The following PLA2G4F variants were observed in gnomAD, a reference collection of about 807,000 sequenced individuals.
The protein encoded by PLA2G4F is cytosolic phospholipase A2 zeta.
A neutral mutation model predicts 103.1 loss-of-function variants in PLA2G4F; 105 were observed. The observed-to-expected ratio is 1.02, with a 90% CI of 0.87 to 1.20. PLA2G4F has a LOEUF of 1.20. PLA2G4F is among the 50% of genes most tolerant of loss of function. The pLI is 0.00. For missense variants in PLA2G4F, 1,155 were observed against 1,075.9 expected (o/e 1.07, Z -1.03); for synonymous variants, 468 against 441.1 (o/e 1.06, Z -0.76).
chr15:42,145,638 G>A lies in PLA2G4F; in HGVS notation c.1717C>T (p.Leu573=), dbSNP rs369238792. 1 of 1,614,130 alleles carries A rather than the reference G, an allele frequency of 6.2e-7. No homozygotes were observed. Among genetic ancestry groups the A allele is most frequent in the Admixed American group, 1.7e-5 (1 of 60,022 alleles). The change falls in exon 16 of 20, where the codon CTA becomes TTA. Residue 573 remains leucine (L), a synonymous_variant. Transcript: ENST00000397272. ...AFATSLDEIF[L]KTAGSGLSFL... ...CTGAGGCCCGAGCCGGCGGTCTTTA[G>A]GAAGATCTCATCCAGGCTGGTGGCA...
In PLA2G4F at chr15:42,146,213, T is replaced by C. The variant is rs769700694; in HGVS notation, c.1448A>G (p.Gln483Arg). 1.2e-6 allele frequency: 2 copies of C among 1,614,264 alleles called. No homozygotes were observed. Among genetic ancestry groups the C allele is most frequent in the Non-Finnish European group, 1.7e-6 (2 of 1,180,034 alleles). Residue 483 changes from glutamine (Q) to arginine (R), a missense_variant, in exon 14 of 20, where the codon CAG (glutamine) becomes CGG (arginine). Transcript: ENST00000397272. ...EENPAKLSDQ[Q>R]EAVRQGQNPY... ...GTTCTGACCCTGGCGGACCGCCTCC[T>C]GTTGGTCAGACAGCTTGGCAGGGTT... is the stretch of plus-strand genomic sequence containing the variant.
rs542194927 is a variant in PLA2G4F at position 42,144,272 on chromosome 15, C to T, written c.1976-128G>A. The T allele has an allele frequency of 8.8e-4, 1,230 of 1,402,480 alleles. 2 individuals are homozygous for T. The highest frequency in any genetic ancestry group is 3.7e-3 in the Middle Eastern group (14 of 3,830). 86.9% of individuals were successfully genotyped at this position (1,402,480 alleles called of 1,614,324 possible). On this transcript the variant is annotated intron_variant, in intron 17 of 19. Coordinates refer to ENST00000397272, the MANE Select transcript of PLA2G4F (RefSeq NM_213600.4). ...CTCTGACAGCCATGGAGACTCCTGC[C>T]CCAAGCCCTTGGCCCTGCCTTCCAG...
chr15:42,140,953 G>A lies in PLA2G4F; in HGVS notation c.*1031C>T, dbSNP rs1442670682. 3.2e-6 allele frequency: 1 copy of A among 309,078 alleles called. No individual in the cohort carries two copies. The highest frequency in any genetic ancestry group is 6.4e-6 in the Non-Finnish European group (1 of 155,080). 19.1% of individuals were successfully genotyped at this position (309,078 alleles called of 1,614,324 possible). A position where few individuals can be genotyped will look rare whatever the true frequency, so the allele number is the denominator to read the frequency against. ...GAATCTGAGGGCTGCCCACACTAGA[G>A]AGGTTCTAGGTATTTGGAGAGTCCC... On this transcript the variant is annotated 3_prime_UTR_variant, in exon 20 of 20. Transcript: ENST00000397272.
At chr15:42,155,494 A>C in intron 2 of PLA2G4F, 23 bp downstream of exon 2, 1 of 1,612,700 alleles carries the variant, frequency 6.2e-7, no homozygotes, top group Non-Finnish European at 8.5e-7. Context: ...GACAGAGAGA[A>C]GGATGGAGAT....
intron 7 of PLA2G4F, among the ~76,000 whole-genome samples, 168 bp downstream of exon 7, chr15:42,152,520 C>T (rs1441017689): frequency 6.6e-6 from 1 of 152,212 alleles, no homozygotes; most frequent in Non-Finnish European, 1.5e-5. Flanking sequence ...TCGAACACTT[C>T]CAGGGACAGG....
At position 42,141,311 on chromosome 15, in the gene PLA2G4F, C is replaced by T. The variant is rs1466954093; in HGVS notation, c.*673G>A. 13 of 456,692 alleles carry T rather than the reference C, an allele frequency of 2.8e-5. No homozygotes were observed. Among genetic ancestry groups the T allele is most frequent in the Non-Finnish European group, 4.0e-5 (9 of 226,980 alleles). The allele number at this position is 456,692 out of a possible 1,614,324, so 28.3% of individuals were successfully genotyped here. On this transcript the variant is annotated 3_prime_UTR_variant, in exon 20 of 20. Coordinates refer to ENST00000397272, the MANE Select transcript of PLA2G4F (RefSeq NM_213600.4). ...AGCCTGGGTAACTGGCAGGGAGACACGCGCACATCTCCCACCTGGAGCAGC... is the reference window on the plus strand; with the variant it reads ...AGCCTGGGTAACTGGCAGGGAGACATGCGCACATCTCCCACCTGGAGCAGC...
chr15:42,151,377 G>C lies in PLA2G4F; in HGVS notation c.602-600C>G, dbSNP rs956120233. 7.1e-6 allele frequency: 7 copies of C among 985,300 alleles called. 1 individual carries two copies. Among genetic ancestry groups the C allele is most frequent in the Admixed American group, 6.1e-5 (1 of 16,278 alleles). The allele number at this position is 985,300 out of a possible 1,614,324, so 61.0% of individuals were successfully genotyped here. A position where few individuals can be genotyped will look rare whatever the true frequency, so the allele number is the denominator to read the frequency against. Reference sequence around the variant, plus strand: ...TGAGGCCCAGGCTGGGAGGAGTGAGGGGGTGGGCTTGTGGGCTCCGGAGCT... The same window carrying C: ...TGAGGCCCAGGCTGGGAGGAGTGAGCGGGTGGGCTTGTGGGCTCCGGAGCT... On this transcript the variant is annotated intron_variant, in intron 7 of 19. Transcript: ENST00000397272.
chr15:42,151,197 A>C, intron 7 of PLA2G4F: 1 of 985,394 alleles, frequency 1.0e-6, no homozygotes, highest in East Asian at 1.1e-4. Context: ...CCAAGAGAAA[A>C]CCAGTAGGCT....
chr15:42,155,335 C>T (rs995822725), intron 2 of PLA2G4F, among the ~76,000 whole-genome samples, 182 bp downstream of exon 2: 9 of 151,048 alleles, frequency 6.0e-5, no homozygotes, highest in African/African-American at 2.0e-4. Context: ...CACACTTGCA[C>T]TCACACATAC....
chr15:42,149,863 G>A lies in PLA2G4F; in HGVS notation c.924-15C>T. On this transcript the variant is annotated splice_polypyrimidine_tract_variant and intron_variant, in intron 10 of 19. Coordinates refer to ENST00000397272, the MANE Select transcript of PLA2G4F (RefSeq NM_213600.4). The stretch of plus-strand genomic sequence containing the variant: ...GGTCCCCGGAGCTGCCTCAAGTAGG[G>A]TGGGGTGGCGGTGGGGGGTTCTGGG... 6.2e-7 allele frequency: 1 copy of A among 1,613,700 alleles called. No homozygotes were observed. The highest frequency in any genetic ancestry group is 1.1e-5 in the South Asian group (1 of 91,076).
At chr15:42,154,834 G>T (rs146450814) in intron 2 of PLA2G4F, among the ~76,000 whole-genome samples, 56 of 152,120 alleles carry the variant, frequency 3.7e-4, no homozygotes, top group African/African-American at 1.3e-3. Context: ...CACCCAGGGC[G>T]GCACTCCCAG....
chr15:42,152,721 G>C lies in PLA2G4F; in HGVS notation c.568C>G (p.Arg190Gly). Residue 190 changes from arginine to glycine, a missense_variant, in exon 7 of 20, where the codon CGG (arginine) becomes GGG (glycine). Around this residue, in one of 3 missense-constraint regions of PLA2G4F, gnomAD observed 370 missense variants for 364.9 expected, o/e 1.01. Coordinates refer to ENST00000397272, the MANE Select transcript of PLA2G4F (RefSeq NM_213600.4). Reference sequence around the variant, plus strand: ...TCCCGTGGGGCTGTCCCATCTCCCCGGAGCGTGCCCTGGATTCTCAGACAG... The same window carrying C: ...TCCCGTGGGGCTGTCCCATCTCCCCCGAGCGTGCCCTGGATTCTCAGACAG... ...HPCLRIQGTL[R>G]GDGTAPREEY... 3 of 1,558,070 alleles carry C rather than the reference G, an allele frequency of 1.9e-6. No individual in the cohort carries two copies. Among genetic ancestry groups the C allele is most frequent in the East Asian group, 2.4e-5 (1 of 41,582 alleles).
At chr15:42,150,914 T>TC (rs1277122332) in intron 7 of PLA2G4F, 137 bp from the exon 8 acceptor site, 1 of 1,457,194 alleles carries the variant, frequency 6.9e-7, no homozygotes, top group African/African-American at 1.4e-5. Flanking sequence ...GCCCGCTCTC[T>TC]CTTGAGCACT....
At position 42,149,715 on chromosome 15, in the gene PLA2G4F, G is replaced by C; in HGVS notation, c.1057C>G (p.Gln353Glu). 1 of 1,614,132 alleles carries C rather than the reference G, an allele frequency of 6.2e-7. No individual in the cohort carries two copies. The highest frequency in any genetic ancestry group is 2.2e-5 in the East Asian group (1 of 44,880). Residue 353 changes from glutamine (Q) to glutamate (E), a missense_variant and splice_region_variant, in exon 11 of 20, where the codon CAG becomes GAG. By Grantham distance (29) the Gln-to-Glu change is conservative (BLOSUM62 2). This residue lies in a region of PLA2G4F where 782 missense variants were observed against 692.9 expected (regional missense o/e 1.13). Coordinates refer to ENST00000397272, the MANE Select transcript of PLA2G4F (RefSeq NM_213600.4). ...LGLSEALDSG[Q>E]VPVVAVLGSG... The stretch of plus-strand genomic sequence containing the variant: ...CCAGCTCCTCCTCCATTACGTACCT[G>C]GCCACTGTCCAGAGCCTCACTCAAT...
In PLA2G4F at chr15:42,142,602, G is replaced by A. The variant is rs1363407412; in HGVS notation, c.2255C>T (p.Ala752Val). Reference protein sequence around the residue: ...EARECYLFAKAEDPRSPIVLH... With the variant: ...EARECYLFAKVEDPRSPIVLH... ...CACAATGGGGGAGCGGGGGTCCTCA[G>A]CCTTGGCAAACAGATAGCACTCACG... The change falls in exon 19 of 20, where the codon GCT (alanine) becomes GTT (valine). Residue 752 changes from alanine (A) to valine (V), a missense_variant. Ala to Val is a moderately conservative substitution (Grantham distance 64, BLOSUM62 0). Transcript: ENST00000397272. 1 of 1,614,126 alleles carries A rather than the reference G, an allele frequency of 6.2e-7. No individual in the cohort carries two copies. Among genetic ancestry groups the A allele is most frequent in the Non-Finnish European group, 8.5e-7 (1 of 1,180,000 alleles).
chr15:42,143,202 A>T (rs1021564578), intron 18 of PLA2G4F, among the ~76,000 whole-genome samples: 1 of 130,976 alleles, frequency 7.6e-6, no homozygotes, highest in Non-Finnish European at 1.6e-5. Flanking sequence ...AAAAAAAAAA[A>T]AAAGCTCCCC....
At position 42,142,617 on chromosome 15, in the gene PLA2G4F, T is replaced by C. The variant is rs1444608520; in HGVS notation, c.2240A>G (p.Tyr747Cys). Residue 747 changes from tyrosine (Y) to cysteine (C), a missense_variant, in exon 19 of 20, where the codon TAT (tyrosine) becomes TGT (cysteine). Around this residue, in one of 3 missense-constraint regions of PLA2G4F, gnomAD observed 782 missense variants for 692.9 expected, o/e 1.13. Transcript: ENST00000397272. ...PEDMEEAREC[Y>C]LFAKAEDPRS... ...GGGGTCCTCAGCCTTGGCAAACAGATAGCACTCACGGGCCTCCTCCATGTC... is the reference window on the plus strand; with the variant it reads ...GGGGTCCTCAGCCTTGGCAAACAGACAGCACTCACGGGCCTCCTCCATGTC... The C allele has an allele frequency of 3.1e-6, 5 of 1,613,876 alleles. No individual in the cohort carries two copies. Among genetic ancestry groups the C allele is most frequent in the Middle Eastern group, 1.6e-4 (1 of 6,084 alleles).
At chr15:42,148,937 A>G (rs1333838051) in intron 11 of PLA2G4F, 20 of 985,312 alleles carry the variant, frequency 2.0e-5, no homozygotes, top group South Asian at 4.7e-5. Context: ...TATTGCCCCA[A>G]TGAACGATCT....
chr15:42,151,540 G>A (rs1021324970), intron 7 of PLA2G4F: 2 of 985,258 alleles, frequency 2.0e-6, no homozygotes, highest in Non-Finnish European at 2.4e-6. Flanking sequence ...GGAAGCAACA[G>A]AGACCCAAAG....
Sources: gnomAD v4.1 joint callset for allele counts (sites outside exome capture counted in the v4.1 genomes callset) on GRCh38, gnomAD v4.1.1 for gene constraint, gnomAD v4.1.1 regional missense constraint, MANE v1.5 for transcripts, NCBI Gene and HGNC (gene_info 2026-07-23, HGNC 2026-07-21) for gene names.